The following AGBL4 variants were observed in gnomAD, a reference collection of about 807,000 sequenced individuals.
AGBL4 encodes the protein AGBL carboxypeptidase 4, also known as cytosolic carboxypeptidase 6.
AGBL4 carries 58 observed loss-of-function variants against 66.4 expected under a neutral mutation model. The ratio of observed to expected loss-of-function variants is 0.87; its 90% CI spans 0.71 to 1.09. AGBL4 has a LOEUF of 1.09. AGBL4 is among the 50% of genes least tolerant of loss of function. AGBL4 has a pLI of 0.00. For synonymous variants in AGBL4, 234 were observed against 222.9 expected, an observed-to-expected ratio of 1.05 and a Z score of -0.44; for missense variants, 579 against 631.0, an observed-to-expected ratio of 0.92 and a Z score of 0.88.
intron 6 of AGBL4, among the ~76,000 whole-genome samples, chr1:48,731,451 C>T (rs1648115394): frequency 6.6e-6 from 1 of 152,134 alleles, no homozygotes; most frequent in African/African-American, 2.4e-5. Context: ...TTAGACAAGT[C>T]TCCTAGGAGG....
intron 9 of AGBL4, among the ~76,000 whole-genome samples, chr1:48,623,318 G>A (rs1645446298): frequency 1.3e-5 from 2 of 152,340 alleles, no homozygotes; most frequent in African/African-American, 4.8e-5. Context: ...AAGGCTCATT[G>A]GCCAGAAGGC....
the AGBL4 span, among the ~76,000 whole-genome samples, chr1:48,526,304 G>A: frequency 6.6e-6 from 1 of 152,226 alleles, no homozygotes; most frequent in Non-Finnish European, 1.5e-5. Flanking sequence ...ATGACTCCCA[G>A]GCTCCTCCAC....
chr1:48,928,438 C>A (rs1395781294), intron 5 of AGBL4, among the ~76,000 whole-genome samples: 1 of 152,086 alleles, frequency 6.6e-6, no homozygotes, highest in Non-Finnish European at 1.5e-5. Flanking sequence ...TCACTTTAGA[C>A]CTTTGGTATA....
intron 1 of AGBL4, among the ~76,000 whole-genome samples, chr1:50,020,570 G>C (rs192654958): frequency 6.6e-6 from 1 of 152,266 alleles, no homozygotes; most frequent in East Asian, 1.9e-4. Context: ...GTAAGGCAGG[G>C]ATTTTCATCA....
At chr1:49,960,605 T>C (rs1571964520) in intron 1 of AGBL4, among the ~76,000 whole-genome samples, 1 of 152,122 alleles carries the variant, frequency 6.6e-6, no homozygotes, top group East Asian at 1.9e-4. Context: ...TTTGAGATTA[T>C]GGATATGCTA....
intron 3 of AGBL4, among the ~76,000 whole-genome samples, chr1:49,548,505 A>G (rs1652689294): frequency 1.3e-5 from 2 of 152,186 alleles, no homozygotes; most frequent in Admixed American, 6.5e-5. Flanking sequence ...GATTTTGTCA[A>G]CTGCTTTTTC....
chr1:49,003,355 G>A (rs1661538039), intron 5 of AGBL4, among the ~76,000 whole-genome samples: 3 of 152,156 alleles, frequency 2.0e-5, no homozygotes, highest in South Asian at 2.1e-4. Context: ...CCGAGATCAC[G>A]CCATTGCACT....
chr1:48,853,566 T>G (rs1344452259), intron 6 of AGBL4, among the ~76,000 whole-genome samples: 1 of 152,238 alleles, frequency 6.6e-6, no homozygotes, highest in Non-Finnish European at 1.5e-5. Flanking sequence ...TCTTGCTTTT[T>G]TATAAACGGT....
At chr1:48,623,923 T>C (rs910324542) in intron 9 of AGBL4, among the ~76,000 whole-genome samples, 3 of 151,924 alleles carry the variant, frequency 2.0e-5, no homozygotes, top group Admixed American at 6.6e-5. Context: ...ATTGCAGGAG[T>C]GTCAGACTAC....
chr1:48,776,538 C>A (rs922897495), intron 6 of AGBL4: 39 of 1,130,626 alleles, frequency 3.4e-5, no homozygotes, highest in Non-Finnish European at 4.3e-5. Context: ...TCCGCCCGGG[C>A]CCCCGGCCCC....
intron 6 of AGBL4, chr1:48,776,893 G>T (rs534420828): frequency 1.8e-6 from 2 of 1,117,364 alleles, no homozygotes; most frequent in Non-Finnish European, 2.5e-6. Flanking sequence ...CGCGGAGGTG[G>T]GGATCCGGCG....
intron 2 of AGBL4, among the ~76,000 whole-genome samples, chr1:49,814,810 A>G (rs1361625698): frequency 1.3e-5 from 2 of 152,214 alleles, no homozygotes; most frequent in African/African-American, 4.8e-5. Context: ...GGCAGAAATC[A>G]CAGATCAAAA....
At chr1:49,052,411 G>A (rs937534318) in intron 4 of AGBL4, among the ~76,000 whole-genome samples, 3 of 152,122 alleles carry the variant, frequency 2.0e-5, no homozygotes, top group East Asian at 1.9e-4. Context: ...ACTGAACAAG[G>A]AGCTAGGAGT....
chr1:48,894,994 T>C (rs1651361086), intron 5 of AGBL4, among the ~76,000 whole-genome samples: 1 of 152,174 alleles, frequency 6.6e-6, no homozygotes, highest in Non-Finnish European at 1.5e-5. Flanking sequence ...TGGCAGTGTT[T>C]CACTAGTTAA....
chr1:49,054,817 A>G (rs1644281608), intron 4 of AGBL4, among the ~76,000 whole-genome samples: 1 of 151,920 alleles, frequency 6.6e-6, no homozygotes, highest in Non-Finnish European at 1.5e-5. Flanking sequence ...ATTTTTTTTA[A>G]TCTACATTGA....
chr1:48,903,403 A>C (rs923425231), intron 5 of AGBL4, among the ~76,000 whole-genome samples: 4 of 152,184 alleles, frequency 2.6e-5, no homozygotes, highest in Non-Finnish European at 5.9e-5. Context: ...TGTAATGTTG[A>C]CAGTTCTAAT....
chr1:49,017,109 A>G (rs763280040), intron 5 of AGBL4, among the ~76,000 whole-genome samples: 1 of 152,198 alleles, frequency 6.6e-6, no homozygotes, highest in Non-Finnish European at 1.5e-5. Context: ...CCCTTGATCT[A>G]TATCAGGTCA....
chr1:49,738,487 T>C (rs1053626286), intron 2 of AGBL4, among the ~76,000 whole-genome samples: 1 of 152,106 alleles, frequency 6.6e-6, no homozygotes, highest in African/African-American at 2.4e-5. Flanking sequence ...GGGCAGGGCA[T>C]AGCCAAACAA....
At chr1:49,035,450 A>G (rs1281733487) in intron 5 of AGBL4, among the ~76,000 whole-genome samples, 4 of 152,160 alleles carry the variant, frequency 2.6e-5, no homozygotes, top group Non-Finnish European at 5.9e-5. Context: ...AGACAAGTGC[A>G]TGATTTGGCT....
Sources: allele counts gnomAD v4.1 joint callset (sites outside exome capture counted in the v4.1 genomes callset), GRCh38; gene constraint gnomAD v4.1.1; transcripts MANE v1.5; gene names NCBI Gene and HGNC (gene_info 2026-07-23, HGNC 2026-07-21).